DIDO1: variants seen among roughly 807,000 people sequenced by gnomAD.
DIDO1 encodes death-inducer obliterator 1.
A neutral mutation model predicts 99.4 loss-of-function variants in DIDO1; 16 were observed. The ratio of observed to expected loss-of-function variants is 0.16; its 90% confidence interval spans 0.11 to 0.24. The LOEUF is 0.24. Among genes scored for constraint, DIDO1 ranks in the 10% least tolerant of loss-of-function variants. The pLI is 1.00. For synonymous variants in DIDO1, 1,366 were observed against 1,239.1 expected, an observed-to-expected ratio of 1.10 and a Z score of -2.15; for missense variants, 2,996 against 3,014.0, an observed-to-expected ratio of 0.99 and a Z score of 0.14.
rs2064825394 is a variant in DIDO1 at position 62,907,151 on chromosome 20, G to A, written c.1370C>T (p.Ala457Val). The A allele has an allele frequency of 1.2e-6, 2 of 1,614,196 alleles. No individual in the cohort carries two copies. The highest frequency in any genetic ancestry group is 1.7e-6 in the Non-Finnish European group (2 of 1,180,018). ...GGCTGGTCCTGGTCCACTCACCTGA[G>A]CACCGCATTTCGGAAGACTGGGCTT... The part of the protein sequence containing the change: ...PEKPSLPKCG[A>V]QAGIKISSVH... Residue 457 changes from alanine (A) to valine (V), a missense_variant, in exon 5 of 16, where the codon GCT (alanine) becomes GTT (valine). Ala to Val is a moderately conservative substitution (Grantham distance 64). Coordinates refer to ENST00000395343, the MANE Select transcript of DIDO1 (RefSeq NM_001193369.2).
intron 6 of DIDO1, chr20:62,905,572 G>T: frequency 6.4e-7 from 1 of 1,551,118 alleles, no homozygotes; most frequent in Non-Finnish European, 8.7e-7. Context: ...ATCAGACTGG[G>T]ATGAAGAGAA....
intron 6 of DIDO1, among the ~76,000 whole-genome samples, chr20:62,898,656 C>A (rs981739953): frequency 6.6e-6 from 1 of 152,222 alleles, no homozygotes; most frequent in African/African-American, 2.4e-5. Context: ...AGCCACAGGA[C>A]CCCCTCCTTG....
intron 6 of DIDO1, among the ~76,000 whole-genome samples, chr20:62,903,811 T>TC (rs2064739237): frequency 6.6e-6 from 1 of 152,154 alleles, no homozygotes; most frequent in African/African-American, 2.4e-5. Context: ...CCACCTCCTG[T>TC]CCCTGGAGCA....
In DIDO1 at chr20:62,894,462, G is replaced by C; in HGVS notation, c.2523C>G (p.Thr841=). Residue 841 remains threonine, a synonymous_variant, in exon 11 of 16, where the codon ACC becomes ACG. Transcript: ENST00000395343. The surrounding 1 kb of genome is among the most constrained non-coding windows in gnomAD (Gnocchi z 4.4). ...DVFSSMLKDT[T]SQHRAHLFDL... ...CGAAGAGGTGTGCGCGGTGCTGACT[G>C]GTGGTGTCTTTCAACATGCTGCTGA... 2 of 1,613,604 alleles carry C rather than the reference G, an allele frequency of 1.2e-6. No individual in the cohort carries two copies. The highest frequency in any genetic ancestry group is 1.7e-6 in the Non-Finnish European group (2 of 1,180,030).
At chr20:62,897,442 C>T (rs1256724457) in intron 6 of DIDO1, among the ~76,000 whole-genome samples, 2 of 152,142 alleles carry the variant, frequency 1.3e-5, no homozygotes, top group Admixed American at 6.5e-5. Flanking sequence ...TCTCTTAGCC[C>T]GGTGGGTGGG....
Position 62,881,817 on chromosome 20 carries a change from TC to T in DIDO1, c.4138del (p.Glu1380ArgfsTer55). 1 of 1,613,486 alleles carries T rather than the reference TC, an allele frequency of 6.2e-7. No homozygotes were observed. Among genetic ancestry groups the T allele is most frequent in the Non-Finnish European group, 8.5e-7 (1 of 1,180,018 alleles). The stretch of plus-strand genomic sequence containing the variant: ...CTCAGGGTCGTATGGCCTGTCGTCC[TC>T]CTCTTCCTCTAGAGCCTTATCTTTT... Reference protein sequence around the residue: ...FSKDKALEEEEDDRPYDPEEE... With the variant: ...FSKDKALEEEXDDRPYDPEEE... On this transcript the variant is annotated frameshift_variant, in exon 16 of 16. Transcript: ENST00000395343. LOFTEE classifies it low-confidence loss of function (END_TRUNC). The surrounding 1 kb of genome is among the most constrained non-coding windows in gnomAD (Gnocchi z 8.3).
chr20:62,919,126 TG>T (rs1462874997), intron 1 of DIDO1, among the ~76,000 whole-genome samples: 2 of 152,234 alleles, frequency 1.3e-5, no homozygotes, highest in Non-Finnish European at 2.9e-5. Context: ...CACAAGGAAC[TG>T]AAGAAGCCCA....
rs1392712833 is a variant in DIDO1 at position 62,922,105 on chromosome 20, T to TACACACAC, written c.-200+4333_-200+4334insGTGTGTGT. 8.8e-3 allele frequency among the ~76,000 whole-genome samples: 600 copies of TACACACAC among 67,820 alleles called. 4 individuals carry two copies. Among genetic ancestry groups the TACACACAC allele is most frequent in the African/African-American group, 0.032 (567 of 17,628 alleles). The allele number at this position is 67,820 out of a possible 152,430, so 44.5% of individuals were successfully genotyped here. A position where few individuals can be genotyped will look rare whatever the true frequency, so the allele number is the denominator to read the frequency against. On this transcript the variant is annotated intron_variant, in intron 1 of 15. Coordinates refer to ENST00000395343, the MANE Select transcript of DIDO1 (RefSeq NM_001193369.2). ...ATACACACTATATATACACACTATA[T>TACACACAC]ATATACACACACACACACACATATA...
intron 8 of DIDO1, among the ~76,000 whole-genome samples, chr20:62,895,889 C>T (rs1044223301): frequency 3.3e-5 from 5 of 152,164 alleles, no homozygotes; most frequent in Admixed American, 6.5e-5. Context: ...ATACGGACAC[C>T]CTCATACACT....
At chr20:62,927,960 G>C (rs1852316404), upstream of DIDO1, among the ~76,000 whole-genome samples, 2 of 152,150 alleles carry the variant, frequency 1.3e-5, no homozygotes, top group Admixed American at 1.3e-4. Context: ...AGACGGGGTT[G>C]AGACCACCTT....
At position 62,911,684 on chromosome 20, in the gene DIDO1, C is replaced by A; in HGVS notation, c.-2-70G>T. ...CAAAAGGTGACATTGCCGCCAAACA[C>A]GCGCAGCAGGGGCCACCTCCCTACA... On this transcript the variant is annotated intron_variant, in intron 2 of 15. Coordinates refer to ENST00000395343, the MANE Select transcript of DIDO1 (RefSeq NM_001193369.2). This position sits in a 1 kb window ranked among gnomAD's most constrained non-coding sequence, Gnocchi z 7.0. The A allele has an allele frequency of 1.4e-6, 2 of 1,404,524 alleles. No homozygotes were observed. Among genetic ancestry groups the A allele is most frequent in the Non-Finnish European group, 9.5e-7 (1 of 1,051,662 alleles). 87.0% of individuals were successfully genotyped at this position (1,404,524 alleles called of 1,614,324 possible). A position where few individuals can be genotyped will look rare whatever the true frequency, so the allele number is the denominator to read the frequency against.
intron 1 of DIDO1, among the ~76,000 whole-genome samples, chr20:62,933,700 C>T (rs569010737): frequency 6.6e-6 from 1 of 152,222 alleles, no homozygotes; most frequent in South Asian, 2.1e-4. Context: ...TGAGACCTCT[C>T]CTCTACAAAA....
At chr20:62,929,762 T>TG (rs1243401877), upstream of DIDO1, among the ~76,000 whole-genome samples, 4 of 144,124 alleles carry the variant, frequency 2.8e-5, no homozygotes, top group African/African-American at 1.0e-4. Flanking sequence ...TGTTTTGTTT[T>TG]TTTTTTTTGA....
At position 62,896,303 on chromosome 20, in the gene DIDO1, T is replaced by C. The variant is rs374491199; in HGVS notation, c.2144A>G (p.Gln715Arg). The C allele has an allele frequency of 5.6e-6, 9 of 1,614,022 alleles. No individual in the cohort carries two copies. The highest frequency in any genetic ancestry group is 4.5e-5 in the East Asian group (2 of 44,884). Residue 715 changes from glutamine (Q) to arginine (R), a missense_variant, in exon 8 of 16, where the codon CAA becomes CGA. By Grantham distance (43) the Gln-to-Arg change is conservative (BLOSUM62 1). Coordinates refer to ENST00000395343, the MANE Select transcript of DIDO1 (RefSeq NM_001193369.2). This position sits in a 1 kb window ranked among gnomAD's most constrained non-coding sequence, Gnocchi z 4.4. ...HIEKEMFNLF[Q>R]VTDNRYKSKY... ...ACTCTTGTAGCGATTATCTGTAACT[T>C]GAAACAAGTTAAACATCTCCTTCTC...
rs2064914997 is a variant in DIDO1 at position 62,910,776 on chromosome 20, G to A, written c.837C>T (p.Asn279=). Residue 279 remains asparagine (N), a splice_region_variant and synonymous_variant, in exon 3 of 16, where the codon AAC becomes AAT. Transcript: ENST00000395343. Reference sequence around the variant, plus strand: ...GTGGGTGCCCACACATGACCCACCTGTTGTTGTGAGGCTGGCGGCAAATGC... The same window carrying A: ...GTGGGTGCCCACACATGACCCACCTATTGTTGTGAGGCTGGCGGCAAATGC... ...LYCICRQPHN[N]RFMICCDRCE... 1 of 1,610,434 alleles carries A rather than the reference G, an allele frequency of 6.2e-7. No individual in the cohort carries two copies. The highest frequency in any genetic ancestry group is 8.5e-7 in the Non-Finnish European group (1 of 1,176,872).
In DIDO1 at chr20:62,878,973, T is replaced by C; in HGVS notation, c.*260A>G. 2.6e-6 allele frequency: 1 copy of C among 389,554 alleles called. No individual in the cohort carries two copies. Among genetic ancestry groups the C allele is most frequent in the African/African-American group, 2.1e-5 (1 of 48,108 alleles). The allele number at this position is 389,554 out of a possible 1,614,324, so 24.1% of individuals were successfully genotyped here. A position where few individuals can be genotyped will look rare whatever the true frequency, so the allele number is the denominator to read the frequency against. Reference sequence around the variant, plus strand: ...AAGTTATTGGAAAAGATAACTATGATCTGAAAAGCAATATGCTCCGTAGGC... The same window carrying C: ...AAGTTATTGGAAAAGATAACTATGACCTGAAAAGCAATATGCTCCGTAGGC... On this transcript the variant is annotated 3_prime_UTR_variant, in exon 16 of 16. Coordinates refer to ENST00000395343, the MANE Select transcript of DIDO1 (RefSeq NM_001193369.2).
intron 6 of DIDO1, among the ~76,000 whole-genome samples, chr20:62,899,070 G>A (rs1393662200): frequency 6.6e-6 from 1 of 152,162 alleles, no homozygotes; most frequent in Non-Finnish European, 1.5e-5. Context: ...GGCCCAGCAG[G>A]CCTAGGGCGC....
In DIDO1 at chr20:62,911,251, G is replaced by A. The variant is rs778213630; in HGVS notation, c.362C>T (p.Thr121Ile). The A allele has an allele frequency of 1.4e-5, 23 of 1,613,124 alleles. No homozygotes were observed. The highest frequency in any genetic ancestry group is 1.9e-5 in the Non-Finnish European group (23 of 1,180,020). ...SEGSVESASETRSGPQSASTA... is the reference protein window; with the variant it reads ...SEGSVESASEIRSGPQSASTA... ...GGAAGCAGACTGGGGGCCGCTTCTG[G>A]TCTCAGAAGCGCTTTCCACGCTGCC... The change falls in exon 3 of 16, where the codon ACC becomes ATC. Residue 121 changes from threonine to isoleucine, a missense_variant. Around this residue, in one of 5 missense-constraint regions of DIDO1, gnomAD observed 388 missense variants for 376.6 expected, o/e 1.03. Coordinates refer to ENST00000395343, the MANE Select transcript of DIDO1 (RefSeq NM_001193369.2). The surrounding 1 kb of genome is among the most constrained non-coding windows in gnomAD (Gnocchi z 7.0).
chr20:62,923,889 C>A (rs1274646719), intron 1 of DIDO1, among the ~76,000 whole-genome samples: 1 of 152,194 alleles, frequency 6.6e-6, no homozygotes, highest in Non-Finnish European at 1.5e-5. Flanking sequence ...TTACAACCGC[C>A]TATTAAGTTT....
Sources: allele counts gnomAD v4.1 joint callset (sites outside exome capture counted in the v4.1 genomes callset), GRCh38; gene constraint gnomAD v4.1.1; regional missense constraint gnomAD v4.1.1; non-coding constraint Gnocchi (gnomAD v3.1); transcripts MANE v1.5; gene names NCBI Gene and HGNC (gene_info 2026-07-23, HGNC 2026-07-21).